Variants in MAP4K1 observed in about 807,000 individuals in gnomAD.
The protein encoded by MAP4K1 is mitogen-activated protein kinase kinase kinase kinase 1.
In MAP4K1, 35 loss-of-function variants were observed where a neutral mutation model predicts 122.8. The observed-to-expected ratio is 0.29, with a 90% CI of 0.22 to 0.38. The LOEUF (loss-of-function observed/expected upper bound fraction) is 0.38, where lower values mean the gene tolerates loss of function less well. Ranked by LOEUF, MAP4K1 falls within the 10% of genes least tolerant of loss-of-function variation. The pLI, the probability that MAP4K1 is intolerant of heterozygous loss-of-function variation, is 1.00. For synonymous variants in MAP4K1, 412 were observed against 421.3 expected (o/e 0.98, Z 0.27); for missense variants, 791 against 1,072.6 (o/e 0.74, Z 3.67).
At chr19:38,588,612 G>T (rs549307576) in intron 30 of MAP4K1, among the ~76,000 whole-genome samples, 2 of 134,590 alleles carry the variant, frequency 1.5e-5, no homozygotes, top group East Asian at 4.5e-4. Flanking sequence ...AATTAGCCAG[G>T]TGTGGTGGCA....
intron 30 of MAP4K1, 70 bp from the exon 31 acceptor site, chr19:38,587,887 T>C (rs886624180): frequency 1.6e-6 from 2 of 1,223,412 alleles, no homozygotes; most frequent in Non-Finnish European, 2.4e-6. Flanking sequence ...ATTCACAAAG[T>C]AGTTAATAGA....
intron 19 of MAP4K1, 106 bp downstream of exon 19, chr19:38,605,303 C>T (rs1975290677): frequency 2.3e-6 from 2 of 869,358 alleles, no homozygotes; most frequent in Non-Finnish European, 1.8e-6. Flanking sequence ...AAGCGCTCAA[C>T]AAATGTCACC....
At chr19:38,612,767 C>T in intron 8 of MAP4K1, 25 bp from the exon 9 acceptor site, 3 of 1,609,180 alleles carry the variant, frequency 1.9e-6, no homozygotes, top group Non-Finnish European at 2.5e-6. Flanking sequence ...GCTCAGAGAG[C>T]CAGAGGTGGC....
rs146039134 is a variant in MAP4K1, at chr19:38,598,236, G to T, written c.1670-642C>A. Among the ~76,000 whole-genome samples the T allele has an allele frequency of 5.3e-3, 803 of 152,004 alleles. 6 individuals are homozygous for T. Among genetic ancestry groups the T allele is most frequent in the African/African-American group, 0.015 (628 of 41,480 alleles). Reference sequence around the variant, plus strand: ...AGTAGAGACGGGGTTTTACCATGTTGGCCAGTCTGGTCTCGAACTACTGAC... The same window carrying T: ...AGTAGAGACGGGGTTTTACCATGTTTGCCAGTCTGGTCTCGAACTACTGAC... On this transcript the variant is annotated intron_variant, in intron 22 of 30. Coordinates refer to ENST00000396857, the MANE Select transcript of MAP4K1 (RefSeq NM_001042600.3).
chr19:38,607,857 C>T lies in MAP4K1; in HGVS notation c.1157+7G>A. ...GCCTGTGGAGCTGCAGGCAGGGCCT[C>T]ACTTACATGTCCACGTCGTCATAGT... On this transcript the variant is annotated splice_region_variant and intron_variant, in intron 16 of 30. Coordinates refer to ENST00000396857, the MANE Select transcript of MAP4K1 (RefSeq NM_001042600.3). 1 of 1,610,552 alleles carries T rather than the reference C, an allele frequency of 6.2e-7. No homozygotes were observed.
chr19:38,617,889 C>T lies in MAP4K1; in HGVS notation c.7G>A (p.Val3Ile), dbSNP rs573655515. The T allele has an allele frequency of 1.9e-6, 3 of 1,614,124 alleles. No individual in the cohort carries two copies. The highest frequency in any genetic ancestry group is 2.2e-5 in the South Asian group (2 of 91,080). The change falls in exon 1 of 31, where the codon GTC becomes ATC. Residue 3 changes from valine (V) to isoleucine (I), a missense_variant. By Grantham distance (29) the Val-to-Ile change is conservative. Coordinates refer to ENST00000396857, the MANE Select transcript of MAP4K1 (RefSeq NM_001042600.3). The surrounding 1 kb of genome is among the most constrained non-coding windows in gnomAD (Gnocchi z 4.1). ...CTATTGAAAATGTCAGGGTCCACGA[C>T]GTCCATCCCTGGGGGCCTGAGCTGG... The part of the protein sequence containing the change: MD[V>I]VDPDIFNRDP...
intron 19 of MAP4K1, among the ~76,000 whole-genome samples, chr19:38,602,981 CATATACAT>C (rs1462915008): frequency 5.2e-5 from 7 of 134,262 alleles, no homozygotes; most frequent in African/African-American, 1.3e-4. Context: ...CATATATACG[CATATACAT>C]ATATACATAT....
chr19:38,612,563 C>G, intron 9 of MAP4K1, 48 bp downstream of exon 9: 2 of 1,562,322 alleles, frequency 1.3e-6, no homozygotes, highest in Non-Finnish European at 1.7e-6. Flanking sequence ...GGGCTTTGGG[C>G]CAGGGCTAGA....
chr19:38,617,672 T>A lies in MAP4K1; in HGVS notation c.100-47A>T, dbSNP rs763607466. 1.4e-5 allele frequency: 23 copies of A among 1,610,082 alleles called. No individual in the cohort carries two copies. The highest frequency in any genetic ancestry group is 2.0e-5 in the Non-Finnish European group (23 of 1,176,598). ...GTCAGGCAGGCTCCATTTGCCAGAG[T>A]CCCTCCACAGCATCCCTGAGTCAAG... On this transcript the variant is annotated intron_variant, in intron 1 of 30. Coordinates refer to ENST00000396857, the MANE Select transcript of MAP4K1 (RefSeq NM_001042600.3). The surrounding 1 kb of genome is among the most constrained non-coding windows in gnomAD (Gnocchi z 4.1).
rs748254909 is a variant in MAP4K1 at position 38,597,004 on chromosome 19, G to A, written c.1941+30C>T. On this transcript the variant is annotated intron_variant, in intron 25 of 30. Coordinates refer to ENST00000396857, the MANE Select transcript of MAP4K1 (RefSeq NM_001042600.3). The surrounding 1 kb of genome is among the most constrained non-coding windows in gnomAD (Gnocchi z 4.6). ...CAAGGCCTTAGCCACCCACTCCTCA[G>A]AGTTCCCAGCACCCTCCCAAGCCCC... 1 of 1,604,538 alleles carries A rather than the reference G, an allele frequency of 6.2e-7. No homozygotes were observed. Among genetic ancestry groups the A allele is most frequent in the East Asian group, 2.2e-5 (1 of 44,842 alleles).
intron 22 of MAP4K1, 115 bp downstream of exon 22, chr19:38,599,810 C>T: frequency 2.1e-6 from 2 of 965,190 alleles, no homozygotes; most frequent in Admixed American, 1.8e-5. Flanking sequence ...GAACCTAGGA[C>T]TTTGTGACCA....
At chr19:38,596,795 T>A (rs888516751) in intron 25 of MAP4K1, among the ~76,000 whole-genome samples, 1 of 151,058 alleles carries the variant, frequency 6.6e-6, no homozygotes, top group African/African-American at 2.4e-5. Context: ...ACCCAGGGAG[T>A]GGCAGCATTG....
At chr19:38,602,734 ATACATATATACACATG>A (rs1221443908) in intron 19 of MAP4K1, among the ~76,000 whole-genome samples, 1 of 149,114 alleles carries the variant, frequency 6.7e-6, no homozygotes, top group Non-Finnish European at 1.5e-5. Context: ...ATATACATGT[ATACATATATACACATG>A]TACATATATA....
chr19:38,602,459 T>C (rs937350324), intron 19 of MAP4K1, among the ~76,000 whole-genome samples: 3 of 146,440 alleles, frequency 2.0e-5, no homozygotes, highest in South Asian at 2.2e-4. Flanking sequence ...CATACATATA[T>C]ACACACATAT....
At chr19:38,595,157 C>T (rs536990964) in intron 29 of MAP4K1, among the ~76,000 whole-genome samples, 4 of 151,358 alleles carry the variant, frequency 2.6e-5, no homozygotes, top group Admixed American at 2.0e-4. Context: ...GCTGTGGTGG[C>T]GCATGCCTGT....
At position 38,596,395 on chromosome 19, in the gene MAP4K1, C is replaced by A; in HGVS notation, c.2033G>T (p.Ser678Ile). ...SELPAVCIGVSPGRPGKSVLF... is the reference protein window; with the variant it reads ...SELPAVCIGVIPGRPGKSVLF... ...CACCGACTTCCCCGGCCGCCCGGGGCTCACGCCGATGCACACAGCGGGCAG... is the reference window on the plus strand; with the variant it reads ...CACCGACTTCCCCGGCCGCCCGGGGATCACGCCGATGCACACAGCGGGCAG... Residue 678 changes from serine (S) to isoleucine (I), a missense_variant, in exon 26 of 31, where the codon AGC becomes ATC. Coordinates refer to ENST00000396857, the MANE Select transcript of MAP4K1 (RefSeq NM_001042600.3). 6.3e-7 allele frequency: 1 copy of A among 1,596,836 alleles called. No individual in the cohort carries two copies. Among genetic ancestry groups the A allele is most frequent in the Non-Finnish European group, 8.5e-7 (1 of 1,175,182 alleles).
Position 38,597,573 on chromosome 19 carries a change from G to C in MAP4K1, c.1691C>G (p.Ser564Cys), listed in dbSNP as rs1183897860. The stretch of plus-strand genomic sequence containing the variant: ...TTCCAGCAGGCCAAGGATGCTATGA[G>C]AATACAGGTGGGGGGTCTTTCCTGC... Reference protein sequence around the residue: ...SLSGKTPHLYSHSILGLLERK... With the variant: ...SLSGKTPHLYCHSILGLLERK... Residue 564 changes from serine (S) to cysteine (C), a missense_variant, in exon 23 of 31, where the codon TCT (serine) becomes TGT (cysteine). By Grantham distance (112) the Ser-to-Cys change is moderately radical (BLOSUM62 -1). This residue lies in a region of MAP4K1 where 58 missense variants were observed against 118.7 expected (regional missense o/e 0.49). Transcript: ENST00000396857. The surrounding 1 kb of genome is among the most constrained non-coding windows in gnomAD (Gnocchi z 4.6). 1 of 1,613,152 alleles carries C rather than the reference G, an allele frequency of 6.2e-7. No homozygotes were observed. Among genetic ancestry groups the C allele is most frequent in the Non-Finnish European group, 8.5e-7 (1 of 1,179,632 alleles).
intron 9 of MAP4K1, 101 bp downstream of exon 9, chr19:38,612,510 C>T (rs1034765723): frequency 4.3e-6 from 5 of 1,165,202 alleles, no homozygotes; most frequent in African/African-American, 3.1e-5. Flanking sequence ...AGTGGTGATC[C>T]CTGAATTGGA....
rs1599701032 is a variant in MAP4K1 at position 38,601,383 on chromosome 19, C to T, written c.1531+58G>A. 2.7e-6 allele frequency: 4 copies of T among 1,475,940 alleles called. No homozygotes were observed. In the East Asian group the frequency reaches 7.3e-5, roughly 27 times the overall value. 91.4% of individuals were successfully genotyped at this position (1,475,940 alleles called of 1,614,324 possible). On this transcript the variant is annotated intron_variant, in intron 20 of 30. Transcript: ENST00000396857. ...TGTGCCTTCCTTAGGCTTCTCCCCA[C>T]CCCTACTTTTGCTCTCCCATTCCCT...
Sources: gnomAD v4.1 joint callset for allele counts (sites outside exome capture counted in the v4.1 genomes callset) on GRCh38, gnomAD v4.1.1 for gene constraint, gnomAD v4.1.1 regional missense constraint, Gnocchi (gnomAD v3.1) non-coding constraint, MANE v1.5 for transcripts, NCBI Gene and HGNC (gene_info 2026-07-23, HGNC 2026-07-21) for gene names.